PIGB: variants seen among roughly 807,000 people sequenced by gnomAD.
The protein encoded by PIGB is phosphatidylinositol glycan anchor biosynthesis class B.
PIGB carries 58 observed loss-of-function variants against 68.4 expected under a neutral mutation model. That is an observed-to-expected ratio of 0.85 (90% confidence interval 0.69 to 1.06). The LOEUF (loss-of-function observed/expected upper bound fraction) is 1.06, where lower values mean the gene tolerates loss of function less well. Among genes scored for constraint, PIGB ranks in the 50% least tolerant of loss-of-function variants. The probability of loss-of-function intolerance (pLI) is 0.00; values close to 1 mark genes in which losing one functional copy is unlikely to be tolerated. For missense variants in PIGB, 634 were observed against 655.8 expected, an observed-to-expected ratio of 0.97 and a Z score of 0.36; for synonymous variants, 219 against 220.5, an observed-to-expected ratio of 0.99 and a Z score of 0.06.
At chr15:55,346,830 C>T (rs1291035813) in intron 9 of PIGB, 2 of 152,200 alleles carry the variant, frequency 1.3e-5, no homozygotes, top group Admixed American at 6.5e-5. Flanking sequence ...TGAAACAATA[C>T]TACTGGTCTA....
intron 6 of PIGB, among the ~76,000 whole-genome samples, chr15:55,337,187 T>C (rs1415930412): frequency 1.3e-5 from 2 of 152,212 alleles, no homozygotes; most frequent in Non-Finnish European, 2.9e-5. Context: ...ACTACTATAC[T>C]ATACATCCAC....
At chr15:55,323,459 C>T (rs1464103216) in intron 3 of PIGB, among the ~76,000 whole-genome samples, 1 of 152,038 alleles carries the variant, frequency 6.6e-6, no homozygotes, top group Non-Finnish European at 1.5e-5. Flanking sequence ...TCTGTTTCTA[C>T]AAAAAATTTT....
intron 10 of PIGB, among the ~76,000 whole-genome samples, chr15:55,353,453 C>G (rs1006884398): frequency 2.6e-5 from 4 of 152,172 alleles, no homozygotes; most frequent in African/African-American, 9.7e-5. Flanking sequence ...TAATTACTAA[C>G]TCCATTTCTA....
chr15:55,329,980 G>A lies in PIGB; in HGVS notation c.653+126G>A, dbSNP rs1167570411. The A allele has an allele frequency of 1.2e-5, 7 of 601,348 alleles. No individual in the cohort carries two copies. The East Asian group carries it at 1.9e-4, about 17-fold the overall frequency. The allele number at this position is 601,348 out of a possible 1,614,324, so 37.3% of individuals were successfully genotyped here. A position where few individuals can be genotyped will look rare whatever the true frequency, so the allele number is the denominator to read the frequency against. On this transcript the variant is annotated intron_variant, in intron 5 of 11. Coordinates refer to ENST00000164305, the MANE Select transcript of PIGB (RefSeq NM_004855.5). The stretch of plus-strand genomic sequence containing the variant: ...GAGTCATGAGAACCACAAATTTTCA[G>A]TTGATATATTATAGCAGAAAACAGA...
At chr15:55,332,379 C>CT (rs1273499062) in intron 5 of PIGB, among the ~76,000 whole-genome samples, 4 of 143,896 alleles carry the variant, frequency 2.8e-5, no homozygotes, top group Non-Finnish European at 4.6e-5. Context: ...TTTTTTTTTT[C>CT]TTTTTTTTGA....
chr15:55,338,164 C>T (rs535605844), intron 6 of PIGB, among the ~76,000 whole-genome samples: 2 of 152,198 alleles, frequency 1.3e-5, no homozygotes, highest in East Asian at 1.9e-4. Context: ...ACCTTCATAG[C>T]GTATTTTTCT....
chr15:55,339,319 G>A lies in PIGB; in HGVS notation c.846+1G>A. ...GATTGATCGTATTTTTTTTGGCCAA[G>A]TAAGTAAAAGTATATTAAGCTAACA... On this transcript the variant is annotated splice_donor_variant, in intron 7 of 11. Coordinates refer to ENST00000164305, the MANE Select transcript of PIGB (RefSeq NM_004855.5). LOFTEE classifies it high-confidence loss of function. 6.5e-7 allele frequency: 1 copy of A among 1,536,804 alleles called. No individual in the cohort carries two copies. The highest frequency in any genetic ancestry group is 8.8e-7 in the Non-Finnish European group (1 of 1,133,058).
chr15:55,332,995 G>A (rs1242357490), intron 5 of PIGB, among the ~76,000 whole-genome samples: 3 of 152,052 alleles, frequency 2.0e-5, no homozygotes, highest in African/African-American at 7.2e-5. Flanking sequence ...GCCCATCACT[G>A]CCTAAATAAT....
Position 55,327,529 on chromosome 15 carries a change from A to C in PIGB, c.418-2A>C. On this transcript the variant is annotated splice_acceptor_variant, in intron 3 of 11. Transcript: ENST00000164305. LOFTEE classifies it high-confidence loss of function. ...TCCTGTTCTTCTTTTTAACTGATGAAGATTTGGATTCCTAGACTTGCCCAA... is the reference window on the plus strand; with the variant it reads ...TCCTGTTCTTCTTTTTAACTGATGACGATTTGGATTCCTAGACTTGCCCAA... 5 of 1,585,994 alleles carry C rather than the reference A, an allele frequency of 3.2e-6. No individual in the cohort carries two copies. Among genetic ancestry groups the C allele is most frequent in the Non-Finnish European group, 4.3e-6 (5 of 1,160,754 alleles).
chr15:55,333,722 ACT>A (rs1221686102), intron 5 of PIGB, 143 bp from the exon 6 acceptor site: 4 of 549,424 alleles, frequency 7.3e-6, no homozygotes, highest in East Asian at 3.3e-5. Flanking sequence ...ACAGAGTGAG[ACT>A]CTGTCTCAAA....
intron 10 of PIGB, among the ~76,000 whole-genome samples, chr15:55,353,998 T>TAAAAATAAAAAAATAAAA (rs112479438): frequency 1.2e-4 from 13 of 112,034 alleles, no homozygotes; most frequent in African/African-American, 5.5e-4. Context: ...TCATCTTAAA[T>TAAAAATAAAAAAATAAAA]AAAAAAAAAA....
chr15:55,350,826 T>C lies in PIGB; in HGVS notation c.1251T>C (p.His417=). 2 of 1,610,570 alleles carry C rather than the reference T, an allele frequency of 1.2e-6. No homozygotes were observed. Among genetic ancestry groups the C allele is most frequent in the Non-Finnish European group, 1.7e-6 (2 of 1,176,938 alleles). ...HQRGTLDVMS[H]IQKVCYNNPN... ...GAGGTACTCTTGATGTCATGAGTCA[T>C]ATTCAAAAAGTTTGTTACAACAATC... The change falls in exon 10 of 12, where the codon CAT becomes CAC. Residue 417 remains histidine (H), a synonymous_variant. Transcript: ENST00000164305.
chr15:55,320,453 A>G (rs1566945636), intron 2 of PIGB, 43 bp downstream of exon 2: 1 of 1,580,486 alleles, frequency 6.3e-7, no homozygotes, highest in Non-Finnish European at 8.6e-7. Flanking sequence ...GTGTGTATTC[A>G]TCTTGGAAAT....
intron 3 of PIGB, among the ~76,000 whole-genome samples, chr15:55,326,724 G>A (rs987420847): frequency 1.3e-5 from 2 of 151,848 alleles, no homozygotes; most frequent in African/African-American, 4.8e-5. Flanking sequence ...AAAATTAGCC[G>A]GGCGTGGGAG....
At chr15:55,327,784 C>T in intron 4 of PIGB, 149 bp downstream of exon 4, 1 of 629,918 alleles carries the variant, frequency 1.6e-6, no homozygotes, top group Non-Finnish European at 2.8e-6. Context: ...CAGTAATATG[C>T]AAGTGGCACC....
intron 6 of PIGB, among the ~76,000 whole-genome samples, chr15:55,335,672 G>A (rs908337654): frequency 3.3e-5 from 5 of 152,168 alleles, no homozygotes; most frequent in African/African-American, 1.2e-4. Context: ...ATGATAAGGT[G>A]ACACTGGAGC....
At chr15:55,348,942 G>A (rs1305103464) in intron 9 of PIGB, among the ~76,000 whole-genome samples, 1 of 152,104 alleles carries the variant, frequency 6.6e-6, no homozygotes, top group Non-Finnish European at 1.5e-5. Flanking sequence ...TGAACTTTTA[G>A]AATCCTATTT....
chr15:55,342,983 G>A (rs780895622), intron 9 of PIGB, among the ~76,000 whole-genome samples: 3 of 151,856 alleles, frequency 2.0e-5, no homozygotes, highest in Non-Finnish European at 4.4e-5. Context: ...TGGAACTGGA[G>A]GCTGGAAAAA....
At chr15:55,330,082 C>A (rs952460243) in intron 5 of PIGB, among the ~76,000 whole-genome samples, 2 of 151,984 alleles carry the variant, frequency 1.3e-5, no homozygotes, top group Non-Finnish European at 2.9e-5. Flanking sequence ...TTTAGAAAAG[C>A]CAATAAGGAA....
Sources: gnomAD v4.1 joint callset for allele counts (sites outside exome capture counted in the v4.1 genomes callset) on GRCh38, gnomAD v4.1.1 for gene constraint, MANE v1.5 for transcripts, NCBI Gene and HGNC (gene_info 2026-07-23, HGNC 2026-07-21) for gene names.